The following RASGRF1 variants were observed in gnomAD, a reference collection of about 807,000 sequenced individuals.
The protein encoded by RASGRF1 is ras-specific guanine nucleotide-releasing factor 1.
In RASGRF1, 40 loss-of-function variants were observed where a neutral mutation model predicts 138.7. That is an observed-to-expected ratio of 0.29 (90% CI 0.22 to 0.38). The LOEUF (loss-of-function observed/expected upper bound fraction) is 0.38, where lower values mean the gene tolerates loss of function less well. Ranked by LOEUF, RASGRF1 falls within the 10% of genes least tolerant of loss-of-function variation. The pLI, the probability that RASGRF1 is intolerant of heterozygous loss-of-function variation, is 1.00. For synonymous variants in RASGRF1, 614 were observed against 663.2 expected, an observed-to-expected ratio of 0.93 and a Z score of 1.14; for missense variants, 1,108 against 1,650.4, an observed-to-expected ratio of 0.67 and a Z score of 5.69.
At chr15:79,082,226 C>T (rs1240382561) in intron 1 of RASGRF1, among the ~76,000 whole-genome samples, 1 of 152,244 alleles carries the variant, frequency 6.6e-6, no homozygotes, top group African/African-American at 2.4e-5. Context: ...CTTTCTGGCG[C>T]TCTGTGTCCA....
intron 16 of RASGRF1, 105 bp downstream of exon 16, chr15:79,001,557 C>T (rs903572098): frequency 1.5e-6 from 2 of 1,367,406 alleles, no homozygotes; most frequent in African/African-American, 2.9e-5. Flanking sequence ...TTAGGAGTCA[C>T]TCATAAAGCA....
chr15:79,018,052 A>C, intron 11 of RASGRF1, 146 bp from the exon 12 acceptor site: 1 of 1,068,646 alleles, frequency 9.4e-7, no homozygotes, highest in South Asian at 1.6e-5. Context: ...TCAGAATATT[A>C]TTTTCCTAAG....
At chr15:79,070,777 C>T (rs1021589740) in intron 1 of RASGRF1, among the ~76,000 whole-genome samples, 3 of 152,316 alleles carry the variant, frequency 2.0e-5, no homozygotes, top group East Asian at 1.9e-4. Flanking sequence ...TTCTCCTTGG[C>T]AAGCTTGGGT....
At chr15:79,066,031 A>C (rs534514295) in intron 1 of RASGRF1, among the ~76,000 whole-genome samples, 34 of 151,880 alleles carry the variant, frequency 2.2e-4, no homozygotes, top group Non-Finnish European at 4.3e-4. Context: ...CTATAGAATG[A>C]AATGTCAGCT....
intron 2 of RASGRF1, among the ~76,000 whole-genome samples, chr15:79,064,020 G>A (rs1330326333): frequency 6.6e-6 from 1 of 152,178 alleles, no homozygotes; most frequent in Non-Finnish European, 1.5e-5. Flanking sequence ...GCCTCTGGAT[G>A]AGAAAACCAA....
rs201909198 is a variant in RASGRF1 at position 79,032,118 on chromosome 15, G to A, written c.1152+5C>T. Reference sequence around the variant, plus strand: ...CTACCCCACCCAGGCAGGGCCGGACGCCACCTGGAACATGGGGTAGGTGAG... The same window carrying A: ...CTACCCCACCCAGGCAGGGCCGGACACCACCTGGAACATGGGGTAGGTGAG... On this transcript the variant is annotated splice_donor_5th_base_variant and intron_variant, in intron 7 of 26. Coordinates refer to ENST00000558480, the MANE Select transcript of RASGRF1 (RefSeq NM_001145648.3). This position sits in a 1 kb window ranked among gnomAD's most constrained non-coding sequence, Gnocchi z 4.5. 205 of 1,612,774 alleles carry A rather than the reference G, an allele frequency of 1.3e-4. No individual in the cohort carries two copies. Among genetic ancestry groups the A allele is most frequent in the Middle Eastern group, 1.6e-4 (1 of 6,072 alleles).
chr15:79,071,561 G>A (rs1398893694), intron 1 of RASGRF1, among the ~76,000 whole-genome samples: 1 of 151,588 alleles, frequency 6.6e-6, no homozygotes, highest in African/African-American at 2.4e-5. Flanking sequence ...GTAGAGACGG[G>A]GTTTTGCCAT....
At chr15:78,991,158 A>G (rs1409624730) in intron 21 of RASGRF1, among the ~76,000 whole-genome samples, 1 of 152,264 alleles carries the variant, frequency 6.6e-6, no homozygotes, top group Non-Finnish European at 1.5e-5. Flanking sequence ...CTGTGTACTT[A>G]TTAAAAATAG....
In RASGRF1 at chr15:78,973,194, C is replaced by A. The variant is rs1196593574; in HGVS notation, c.3612+109G>T. 6 of 828,702 alleles carry A rather than the reference C, an allele frequency of 7.2e-6. No homozygotes were observed. The highest frequency in any genetic ancestry group is 1.1e-5 in the Non-Finnish European group (6 of 524,780). 51.3% of individuals were successfully genotyped at this position (828,702 alleles called of 1,614,324 possible). On this transcript the variant is annotated intron_variant, in intron 25 of 26. Transcript: ENST00000558480. The surrounding 1 kb of genome is among the most constrained non-coding windows in gnomAD (Gnocchi z 4.9). ...CTGGACCCAGGCTCCCAAATGGGGG[C>A]ACCCTATGCAGCAGGTTGGGCCTTG...
chr15:79,003,833 C>A lies in RASGRF1; in HGVS notation c.2418G>T (p.Lys806Asn). The change falls in exon 15 of 27, where the codon AAG (lysine) becomes AAT (asparagine). Residue 806 changes from lysine (K) to asparagine (N), a missense_variant. Lys to Asn is a moderately conservative substitution (Grantham distance 94). Coordinates refer to ENST00000558480, the MANE Select transcript of RASGRF1 (RefSeq NM_001145648.3). ...TGCTGAGCGCTGAAGGGTCTTCGGGCTTCTCAGGGGTCGTATCGCCCTCAT... is the reference window on the plus strand; with the variant it reads ...TGCTGAGCGCTGAAGGGTCTTCGGGATTCTCAGGGGTCGTATCGCCCTCAT... ...IPDEGDTTPE[K>N]PEDPSALSKQ... 6.2e-7 allele frequency: 1 copy of A among 1,610,282 alleles called. No individual in the cohort carries two copies. The highest frequency in any genetic ancestry group is 8.5e-7 in the Non-Finnish European group (1 of 1,178,180).
intron 13 of RASGRF1, among the ~76,000 whole-genome samples, chr15:79,014,644 G>A (rs767695511): frequency 6.6e-5 from 10 of 152,160 alleles, no homozygotes; most frequent in Non-Finnish European, 1.2e-4. Flanking sequence ...GCCGGAGGCG[G>A]TGGCTCACAC....
chr15:79,074,779 A>G (rs1265769717), intron 1 of RASGRF1, among the ~76,000 whole-genome samples: 1 of 152,222 alleles, frequency 6.6e-6, no homozygotes, highest in Non-Finnish European at 1.5e-5. Flanking sequence ...TTGCTACAGA[A>G]GAGGCAAGAC....
intron 3 of RASGRF1, among the ~76,000 whole-genome samples, chr15:79,054,830 G>A (rs2057488639): frequency 6.6e-6 from 1 of 152,220 alleles, no homozygotes; most frequent in Non-Finnish European, 1.5e-5. Flanking sequence ...TGAAGACTGA[G>A]TGGAGGAAGC....
intron 1 of RASGRF1, among the ~76,000 whole-genome samples, chr15:79,083,213 G>T (rs757932643): frequency 1.3e-5 from 2 of 152,220 alleles, no homozygotes; most frequent in Non-Finnish European, 2.9e-5. Context: ...CATGTGAGGG[G>T]CTGTACTCTC....
chr15:79,059,975 CACACACAG>C (rs1217274771), intron 2 of RASGRF1, among the ~76,000 whole-genome samples: 3 of 11,894 alleles, frequency 2.5e-4, no homozygotes, highest in South Asian at 4.7e-3. Flanking sequence ...CACACACACA[CACACACAG>C]ACACACAGAC....
intron 6 of RASGRF1, among the ~76,000 whole-genome samples, chr15:79,033,644 C>T (rs932564059): frequency 1.6e-5 from 2 of 126,330 alleles, no homozygotes; most frequent in Admixed American, 1.0e-4. Flanking sequence ...GAGTGGAGTG[C>T]AGTAGTGAGA....
intron 24 of RASGRF1, among the ~76,000 whole-genome samples, chr15:78,976,611 G>A (rs1306888385): frequency 2.0e-5 from 3 of 151,288 alleles, no homozygotes; most frequent in Non-Finnish European, 4.4e-5. Context: ...AGCCATGTGG[G>A]CAAATGTATG....
intron 1 of RASGRF1, among the ~76,000 whole-genome samples, chr15:79,081,965 A>G (rs1360832098): frequency 6.6e-6 from 1 of 152,206 alleles, no homozygotes; most frequent in Non-Finnish European, 1.5e-5. Context: ...CACCGAGCTT[A>G]ATGAAAGGAG....
chr15:79,060,533 A>T (rs115760301), intron 2 of RASGRF1, among the ~76,000 whole-genome samples: 1 of 152,286 alleles, frequency 6.6e-6, no homozygotes, highest in East Asian at 1.9e-4. Context: ...GGGAGCCAGG[A>T]TCTGGGACTC....
Sources: gnomAD v4.1 joint callset for allele counts (sites outside exome capture counted in the v4.1 genomes callset) on GRCh38, gnomAD v4.1.1 for gene constraint, Gnocchi (gnomAD v3.1) non-coding constraint, MANE v1.5 for transcripts, NCBI Gene and HGNC (gene_info 2026-07-23, HGNC 2026-07-21) for gene names.